The following ERG variants were observed in gnomAD, a reference collection of about 807,000 sequenced individuals.
ERG encodes ETS transcription factor ERG, also known as transcriptional regulator ERG.
In ERG, 9 loss-of-function variants were observed where a neutral mutation model predicts 55.3. That is an observed-to-expected ratio of 0.16 (90% CI 0.10 to 0.28). The LOEUF (loss-of-function observed/expected upper bound fraction) is 0.28. Among genes scored for constraint, ERG ranks in the 10% least tolerant of loss-of-function variants. The pLI, the probability that ERG is intolerant of heterozygous loss-of-function variation, is 1.00. For synonymous variants in ERG, 223 were observed against 237.3 expected, an observed-to-expected ratio of 0.94 and a Z score of 0.55; for missense variants, 434 against 631.6, an observed-to-expected ratio of 0.69 and a Z score of 3.35.
chr21:38,525,011 C>G (rs1970846810), intron 2 of ERG, among the ~76,000 whole-genome samples: 1 of 152,184 alleles, frequency 6.6e-6, no homozygotes, highest in Non-Finnish European at 1.5e-5. Context: ...AATTGAGAGT[C>G]CATCTTAGAA....
chr21:38,580,541 T>C (rs2060022488), intron 1 of ERG, among the ~76,000 whole-genome samples: 1 of 152,224 alleles, frequency 6.6e-6, no homozygotes, highest in Non-Finnish European at 1.5e-5. Context: ...CTTTAATACT[T>C]GTTTCTTGCA....
At chr21:38,601,315 C>T (rs973149953) in intron 1 of ERG, among the ~76,000 whole-genome samples, 14 of 152,194 alleles carry the variant, frequency 9.2e-5, no homozygotes, top group East Asian at 5.8e-4. Context: ...ATACCTACAA[C>T]GTTTTACAAA....
intron 2 of ERG, among the ~76,000 whole-genome samples, chr21:38,506,983 G>A (rs961330055): frequency 6.6e-6 from 1 of 152,100 alleles, no homozygotes; most frequent in African/African-American, 2.4e-5. Context: ...ACCTTTGCAT[G>A]TGAGAGGCAT....
intron 1 of ERG, among the ~76,000 whole-genome samples, chr21:38,597,079 G>A (rs930667551): frequency 8.5e-5 from 13 of 152,134 alleles, no homozygotes; most frequent in African/African-American, 1.4e-4. Context: ...CTGCAGCACC[G>A]GGCTGTGGCC....
chr21:38,585,254 A>AGCTTTG (rs2060055118), upstream of ERG, among the ~76,000 whole-genome samples: 1 of 152,170 alleles, frequency 6.6e-6, no homozygotes, highest in South Asian at 2.1e-4. Flanking sequence ...TATAGCCCCC[A>AGCTTTG]GCTTTGGTAA....
intron 1 of ERG, among the ~76,000 whole-genome samples, chr21:38,657,571 T>C (rs2060526884): frequency 6.6e-6 from 1 of 152,194 alleles, no homozygotes; most frequent in Non-Finnish European, 1.5e-5. Flanking sequence ...ATGTTTTAAA[T>C]AAAAGATAAA....
Position 38,620,065 on chromosome 21 carries a change from T to C in ERG, c.-149-35120A>G, listed in dbSNP as rs1221662956. 2.6e-5 allele frequency among the ~76,000 whole-genome samples: 4 copies of C among 152,358 alleles called. No homozygotes were observed. The South Asian group carries it at 6.2e-4, about 24-fold the overall frequency. On this transcript the variant is annotated intron_variant, in intron 1 of 10. Transcript: ENST00000398910. The stretch of plus-strand genomic sequence containing the variant: ...CAGAACGCCAGCCAAGCTAAAGTGC[T>C]GCACTTGGTTGGAATATCTGGGCTC...
At chr21:38,435,302 G>A (rs1320725196) in intron 2 of ERG, among the ~76,000 whole-genome samples, 1 of 152,116 alleles carries the variant, frequency 6.6e-6, no homozygotes, top group Non-Finnish European at 1.5e-5. Flanking sequence ...CACCACAAAA[G>A]GTATTTTTAG....
chr21:38,532,235 C>T (rs1245589365), intron 2 of ERG, among the ~76,000 whole-genome samples: 1 of 152,146 alleles, frequency 6.6e-6, no homozygotes. Context: ...ACAAGATAAA[C>T]TGTTATGTGA....
intron 1 of ERG, among the ~76,000 whole-genome samples, chr21:38,613,403 C>T (rs1601314912): frequency 1.3e-5 from 2 of 150,714 alleles, no homozygotes; most frequent in Admixed American, 1.3e-4. Context: ...CACTAAAGCA[C>T]GCCCCCTGAC....
intron 2 of ERG, among the ~76,000 whole-genome samples, chr21:38,562,014 T>A (rs2059895802): frequency 6.6e-6 from 1 of 152,224 alleles, no homozygotes; most frequent in Non-Finnish European, 1.5e-5. Flanking sequence ...ACAGCCTTGG[T>A]TAAAATCCCA....
In ERG at chr21:38,649,670, C is replaced by T. The variant is rs550803284; in HGVS notation, c.-150+11988G>A. On this transcript the variant is annotated intron_variant, in intron 1 of 10. Transcript: ENST00000398910. Reference sequence around the variant, plus strand: ...AACTGCAATGCTTGAATGCAGCTTACGGCATCAAGTGGACATGCAGGAGGC... The same window carrying T: ...AACTGCAATGCTTGAATGCAGCTTATGGCATCAAGTGGACATGCAGGAGGC... Among the ~76,000 whole-genome samples, 49 of 152,288 alleles carry T rather than the reference C, an allele frequency of 3.2e-4. No individual in the cohort carries two copies. The East Asian group carries it at 8.5e-3, about 26-fold the overall frequency.
At chr21:38,478,337 T>C (rs1198643689) in intron 1 of ERG, among the ~76,000 whole-genome samples, 1 of 152,232 alleles carries the variant, frequency 6.6e-6, no homozygotes, top group African/African-American at 2.4e-5. Context: ...ACTGTGAAAA[T>C]AGAGCAAGTG....
At chr21:38,472,726 G>A (rs770875122) in intron 1 of ERG, among the ~76,000 whole-genome samples, 1 of 152,202 alleles carries the variant, frequency 6.6e-6, no homozygotes, top group Non-Finnish European at 1.5e-5. Flanking sequence ...CAAATCACAG[G>A]AGAAGGGGAA....
intron 1 of ERG, among the ~76,000 whole-genome samples, chr21:38,458,591 C>T (rs1404511479): frequency 4.6e-5 from 7 of 152,144 alleles, no homozygotes; most frequent in Non-Finnish European, 1.0e-4. Flanking sequence ...AATATTTATC[C>T]AACAAAAATA....
chr21:38,622,772 ACAC>A (rs1287957493), intron 1 of ERG, among the ~76,000 whole-genome samples: 6 of 151,196 alleles, frequency 4.0e-5, no homozygotes, highest in Non-Finnish European at 8.9e-5. Flanking sequence ...CACACCACAC[ACAC>A]ATCACATACA....
intron 1 of ERG, chr21:38,575,825 C>A: frequency 1.9e-6 from 2 of 1,039,426 alleles, no homozygotes; most frequent in Non-Finnish European, 2.9e-6. Context: ...GGACAGGACA[C>A]AATTCACCAA....
chr21:38,459,777 T>C (rs921958877), intron 1 of ERG, among the ~76,000 whole-genome samples: 1 of 152,202 alleles, frequency 6.6e-6, no homozygotes, highest in Admixed American at 6.5e-5. Flanking sequence ...CCTTTTCTAC[T>C]TAGAAACTTG....
intron 2 of ERG, among the ~76,000 whole-genome samples, chr21:38,436,577 C>A (rs1215942155): frequency 6.6e-6 from 1 of 152,022 alleles, no homozygotes; most frequent in East Asian, 1.9e-4. Flanking sequence ...GAGCAAGTGA[C>A]GAAAACTTTT....
Sources: allele counts gnomAD v4.1 joint callset (sites outside exome capture counted in the v4.1 genomes callset), GRCh38; gene constraint gnomAD v4.1.1; transcripts MANE v1.5; gene names NCBI Gene and HGNC (gene_info 2026-07-23, HGNC 2026-07-21).